The following MECOM variants were observed in gnomAD, a reference collection of about 807,000 sequenced individuals.
MECOM encodes histone-lysine N-methyltransferase MECOM.
A neutral mutation model predicts 116.3 loss-of-function variants in MECOM; 13 were observed. The observed-to-expected ratio is 0.11, with a 90% confidence interval of 0.07 to 0.18. MECOM has a LOEUF of 0.18. MECOM is among the 10% of genes least tolerant of loss of function. The probability of loss-of-function intolerance (pLI) is 1.00; values close to 1 mark genes in which losing one functional copy is unlikely to be tolerated. For synonymous variants in MECOM, 528 were observed against 535.2 expected (o/e 0.99, Z 0.19); for missense variants, 1,299 against 1,509.0 (o/e 0.86, Z 2.31).
intron 2 of MECOM, 123 bp downstream of exon 2, chr3:169,381,064 T>C: frequency 1.2e-6 from 1 of 864,104 alleles, no homozygotes; most frequent in Non-Finnish European, 1.7e-6. Context: ...GGAAGTTTAT[T>C]CTTAAAAACC....
chr3:169,319,428 G>A (rs1334041707), intron 2 of MECOM, among the ~76,000 whole-genome samples: 3 of 152,006 alleles, frequency 2.0e-5, no homozygotes, highest in African/African-American at 7.3e-5. Flanking sequence ...CTGTCAGGGG[G>A]TGGGGGGTAG....
At chr3:169,620,987 G>C (rs1295103899) in intron 1 of MECOM, among the ~76,000 whole-genome samples, 2 of 152,206 alleles carry the variant, frequency 1.3e-5, no homozygotes, top group Admixed American at 6.5e-5. Flanking sequence ...GCGGTCTTAA[G>C]AAAGTCACTT....
chr3:169,359,587 T>C (rs1024385780), intron 2 of MECOM, among the ~76,000 whole-genome samples: 1 of 151,802 alleles, frequency 6.6e-6, no homozygotes, highest in Non-Finnish European at 1.5e-5. Flanking sequence ...ATTTTTAACC[T>C]GGCTTATCTG....
intron 2 of MECOM, among the ~76,000 whole-genome samples, chr3:169,204,881 A>G (rs868675485): frequency 2.3e-4 from 35 of 152,218 alleles, no homozygotes; most frequent in African/African-American, 8.2e-4. Flanking sequence ...AGTTACATTG[A>G]GTGTGACCCA....
chr3:169,263,077 CTATATATATATATATATATATA>C (rs748506622), intron 2 of MECOM, among the ~76,000 whole-genome samples: 814 of 32,930 alleles, frequency 0.025, 48 homozygotes, highest in African/African-American at 0.054. Context: ...TTTCAAGATG[CTATATATATATATATATATATA>C]TATATATATA....
At chr3:169,534,541 C>T (rs1759088308) in intron 1 of MECOM, among the ~76,000 whole-genome samples, 1 of 150,696 alleles carries the variant, frequency 6.6e-6, no homozygotes, top group Admixed American at 6.6e-5. Context: ...CCCATTCTTC[C>T]TTTTATTAAA....
At chr3:169,400,514 G>T (rs756586231) in intron 1 of MECOM, among the ~76,000 whole-genome samples, 2 of 152,142 alleles carry the variant, frequency 1.3e-5, no homozygotes, top group Non-Finnish European at 2.9e-5. Context: ...GATGATCTGT[G>T]TCACTTTGTT....
intron 1 of MECOM, among the ~76,000 whole-genome samples, chr3:169,598,082 T>A (rs1414557652): frequency 4.6e-5 from 7 of 152,310 alleles, no homozygotes; most frequent in African/African-American, 1.4e-4. Context: ...CCTTTCTGGA[T>A]CTTCAAAATA....
intron 9 of MECOM, among the ~76,000 whole-genome samples, chr3:169,108,910 T>C (rs1000583290): frequency 1.3e-5 from 2 of 152,078 alleles, no homozygotes; most frequent in Admixed American, 1.3e-4. Flanking sequence ...GAAATGTAAG[T>C]AAAAGAGAGT....
intron 2 of MECOM, among the ~76,000 whole-genome samples, chr3:169,163,856 A>G (rs1000581706): frequency 6.6e-6 from 1 of 152,196 alleles, no homozygotes; most frequent in African/African-American, 2.4e-5. Flanking sequence ...TCAGTTTAGT[A>G]ATAAACATTA....
chr3:169,513,560 C>T lies in MECOM; in HGVS notation c.38-132036G>A, dbSNP rs114169712. ...CAGCCAGTGGCTGGAATGCTCAGTC[C>T]GGAATTTCTATCAATTAGCAGAGGA... On this transcript the variant is annotated intron_variant, in intron 1 of 16. Transcript: ENST00000651503. 6.4e-3 allele frequency among the ~76,000 whole-genome samples: 968 copies of T among 152,220 alleles called. 14 individuals carry two copies. Among genetic ancestry groups the T allele is most frequent in the Middle Eastern group, 0.017 (5 of 294 alleles).
chr3:169,557,505 C>T (rs959154009), intron 1 of MECOM, among the ~76,000 whole-genome samples: 2 of 152,186 alleles, frequency 1.3e-5, no homozygotes, highest in Non-Finnish European at 2.9e-5. Context: ...CCTTAAAGGG[C>T]CAGGCAACCT....
At chr3:169,167,954 A>G (rs190180323) in intron 2 of MECOM, among the ~76,000 whole-genome samples, 1 of 152,238 alleles carries the variant, frequency 6.6e-6, no homozygotes, top group Admixed American at 6.5e-5. Context: ...GTAAAAGAAT[A>G]TATCTTTAAA....
rs1270080261 is a variant in MECOM, at chr3:169,417,604, C to G, written c.38-36080G>C. 1.4e-4 allele frequency among the ~76,000 whole-genome samples: 21 copies of G among 151,606 alleles called. 1 individual carries two copies. ...ACTATTTGACCCAGCCATCCCATTA[C>G]TGGGTATATACCCAAAGGACTATAA... On this transcript the variant is annotated intron_variant, in intron 1 of 16. Coordinates refer to ENST00000651503, the MANE Select transcript of MECOM (RefSeq NM_004991.4).
intron 2 of MECOM, among the ~76,000 whole-genome samples, chr3:169,378,386 CAAGAAAGAAAGAAAGAAAGA>C (rs1195791276): frequency 6.8e-5 from 4 of 59,258 alleles, no homozygotes; most frequent in South Asian, 6.7e-4. Flanking sequence ...GGAAGGAAGA[CAAGAAAGAAAGAAAGAAAGA>C]AAGAAAGAAA....
chr3:169,127,799 C>G, intron 5 of MECOM, 45 bp downstream of exon 5: 1 of 1,558,130 alleles, frequency 6.4e-7, no homozygotes, highest in South Asian at 1.1e-5. Context: ...CATAACATTG[C>G]AGAAAAAATA....
chr3:169,356,734 C>A (rs1264568271), intron 2 of MECOM, among the ~76,000 whole-genome samples: 3 of 151,892 alleles, frequency 2.0e-5, no homozygotes, highest in Non-Finnish European at 4.4e-5. Context: ...GTTGTCTAAT[C>A]CGTAGGCCCT....
intron 2 of MECOM, among the ~76,000 whole-genome samples, chr3:169,377,125 A>G (rs1480666527): frequency 6.6e-6 from 1 of 152,226 alleles, no homozygotes; most frequent in Admixed American, 6.6e-5. Context: ...GGCAAGCCAT[A>G]TGCAGAAAAC....
At chr3:169,391,747 A>G (rs1371711658) in intron 1 of MECOM, among the ~76,000 whole-genome samples, 3 of 152,192 alleles carry the variant, frequency 2.0e-5, no homozygotes, top group African/African-American at 7.2e-5. Flanking sequence ...TAAGGGAATG[A>G]TATAATATGA....
Sources: gnomAD v4.1 joint callset for allele counts (sites outside exome capture counted in the v4.1 genomes callset) on GRCh38, gnomAD v4.1.1 for gene constraint, MANE v1.5 for transcripts, NCBI Gene and HGNC (gene_info 2026-07-23, HGNC 2026-07-21) for gene names.